The following SENP7 variants were observed in gnomAD, a reference collection of about 807,000 sequenced individuals.
The protein encoded by SENP7 is SUMO specific peptidase 7, also known as sentrin-specific protease 7.
A neutral mutation model predicts 141.2 loss-of-function variants in SENP7; 64 were observed. The observed-to-expected ratio is 0.45, with a 90% CI of 0.37 to 0.56. The LOEUF (loss-of-function observed/expected upper bound fraction) is 0.56. Ranked by LOEUF, SENP7 falls within the 20% of genes least tolerant of loss-of-function variation. SENP7 has a pLI of 0.00. For synonymous variants in SENP7, 382 were observed against 426.4 expected, an observed-to-expected ratio of 0.90 and a Z score of 1.28; for missense variants, 1,025 against 1,212.2, an observed-to-expected ratio of 0.85 and a Z score of 2.29.
intron 3 of SENP7, among the ~76,000 whole-genome samples, chr3:101,461,063 A>G (rs1405150657): frequency 6.6e-6 from 1 of 152,174 alleles, no homozygotes; most frequent in African/African-American, 2.4e-5. Flanking sequence ...TACACAAATG[A>G]CAAAAAGCAC....
At chr3:101,443,409 CTT>C (rs2107786772) in intron 4 of SENP7, among the ~76,000 whole-genome samples, 2 of 151,318 alleles carry the variant, frequency 1.3e-5, no homozygotes, top group African/African-American at 4.8e-5. Context: ...GTTCTTTTGG[CTT>C]AGGATTGATT....
chr3:101,481,419 T>C (rs2064474430), intron 3 of SENP7, among the ~76,000 whole-genome samples: 1 of 152,166 alleles, frequency 6.6e-6, no homozygotes, highest in South Asian at 2.1e-4. Context: ...TTCACTCATA[T>C]GTGGGTGCTG....
chr3:101,341,710 G>A lies in SENP7; in HGVS notation c.2176C>T (p.Leu726Phe), dbSNP rs1424488898. 1 of 1,612,042 alleles carries A rather than the reference G, an allele frequency of 6.2e-7. No homozygotes were observed. The highest frequency in any genetic ancestry group is 1.1e-5 in the South Asian group (1 of 90,816). The change falls in exon 15 of 24, where the codon CTT (leucine) becomes TTT (phenylalanine). Residue 726 changes from leucine to phenylalanine, a missense_variant. Coordinates refer to ENST00000394095, the MANE Select transcript of SENP7 (RefSeq NM_020654.5). ...LQKQSSGCYS[L>F]SITSNPDEEW... The stretch of plus-strand genomic sequence containing the variant: ...TCATCTGGATTAGATGTAATAGAAA[G>A]GGAGTAGCAACCGCTACTTTGCTTC...
intron 4 of SENP7, among the ~76,000 whole-genome samples, chr3:101,429,710 GA>G (rs1419466890): frequency 1.4e-4 from 21 of 152,094 alleles, no homozygotes; most frequent in African/African-American, 5.1e-4. Context: ...GCCCTGGCCA[GA>G]ACTTCCAATA....
intron 6 of SENP7, among the ~76,000 whole-genome samples, chr3:101,372,639 T>A (rs961291511): frequency 6.6e-6 from 1 of 152,048 alleles, no homozygotes; most frequent in Admixed American, 6.6e-5. Context: ...AATTTTGGAA[T>A]GATAGTCACA....
Position 101,437,418 on chromosome 3 carries a change from C to A in SENP7, c.285-19628G>T, listed in dbSNP as rs148918654. ...GGATAAATGCTTGAGGGGATGGATACCCCATTCTCCATGACGTGCTTATTT... is the reference window on the plus strand; with the variant it reads ...GGATAAATGCTTGAGGGGATGGATAACCCATTCTCCATGACGTGCTTATTT... On this transcript the variant is annotated intron_variant, in intron 4 of 23. Transcript: ENST00000394095. Among the ~76,000 whole-genome samples, 330 of 152,180 alleles carry A rather than the reference C, an allele frequency of 2.2e-3. 6 individuals are homozygous for A. The East Asian group carries it at 0.023, about 11-fold the overall frequency.
intron 11 of SENP7, among the ~76,000 whole-genome samples, chr3:101,360,980 G>T (rs1559716618): frequency 6.6e-6 from 1 of 152,122 alleles, no homozygotes; most frequent in East Asian, 1.9e-4. Context: ...GAGGCAGGTG[G>T]ATCACTTGAG....
intron 6 of SENP7, among the ~76,000 whole-genome samples, chr3:101,393,286 T>G (rs2060867287): frequency 6.6e-6 from 1 of 152,224 alleles, no homozygotes; most frequent in South Asian, 2.1e-4. Flanking sequence ...AGCAATGATT[T>G]TTTAGATTTC....
chr3:101,492,453 G>A (rs368811473), intron 3 of SENP7, among the ~76,000 whole-genome samples: 6 of 152,096 alleles, frequency 3.9e-5, no homozygotes, highest in African/African-American at 1.2e-4. Flanking sequence ...CTTAAAACAC[G>A]TTATCCTAAA....
At chr3:101,428,943 A>G (rs930728057) in intron 4 of SENP7, among the ~76,000 whole-genome samples, 9 of 152,222 alleles carry the variant, frequency 5.9e-5, no homozygotes, top group African/African-American at 2.2e-4. Flanking sequence ...TTTATTAAAT[A>G]GGGAATCCTT....
intron 6 of SENP7, among the ~76,000 whole-genome samples, chr3:101,386,486 C>T (rs1254478868): frequency 1.3e-5 from 2 of 152,198 alleles, no homozygotes; most frequent in African/African-American, 4.8e-5. Context: ...AACGCAGTAC[C>T]ATTTTGAGAG....
At chr3:101,426,195 G>A (rs950112612) in intron 4 of SENP7, among the ~76,000 whole-genome samples, 1 of 152,178 alleles carries the variant, frequency 6.6e-6, no homozygotes, top group Non-Finnish European at 1.5e-5. Context: ...AGCCTAGCTA[G>A]AGAGGCCTAG....
At chr3:101,345,597 A>C (rs899527337) in intron 13 of SENP7, among the ~76,000 whole-genome samples, 36 of 152,212 alleles carry the variant, frequency 2.4e-4, no homozygotes, top group African/African-American at 6.5e-4. Flanking sequence ...TTGTATCCTG[A>C]AACAGTGACA....
intron 3 of SENP7, among the ~76,000 whole-genome samples, chr3:101,465,117 T>A (rs1483413289): frequency 1.3e-5 from 2 of 151,732 alleles, no homozygotes; most frequent in African/African-American, 2.4e-5. Flanking sequence ...CACCTACTGC[T>A]ACCAAGACCC....
chr3:101,340,892 G>A (rs773200198), intron 15 of SENP7, among the ~76,000 whole-genome samples: 5 of 152,100 alleles, frequency 3.3e-5, no homozygotes, highest in South Asian at 2.1e-4. Flanking sequence ...TGTGAATTCC[G>A]GGCTATAATC....
At chr3:101,375,299 T>G (rs13324252) in intron 6 of SENP7, among the ~76,000 whole-genome samples, 59,951 of 151,380 alleles carry the variant, frequency 0.4, 12,298 homozygotes, top group Admixed American at 0.53. Context: ...TCCCAGCACT[T>G]TGGGAGGCTG....
chr3:101,354,207 A>G (rs2059680621), intron 11 of SENP7, among the ~76,000 whole-genome samples: 2 of 152,086 alleles, frequency 1.3e-5, no homozygotes, highest in African/African-American at 4.8e-5. Context: ...CTATAATTAA[A>G]CATTTAAGTT....
chr3:101,491,903 C>T (rs1480495676), intron 3 of SENP7, among the ~76,000 whole-genome samples: 2 of 152,086 alleles, frequency 1.3e-5, no homozygotes, highest in Non-Finnish European at 2.9e-5. Context: ...ACCAGCCTGA[C>T]CAACATGGAG....
At chr3:101,385,869 GACA>G (rs2060638945) in intron 6 of SENP7, among the ~76,000 whole-genome samples, 1 of 152,194 alleles carries the variant, frequency 6.6e-6, no homozygotes. Context: ...CAAATGAGCA[GACA>G]ACAAGACAAG....
Sources: gnomAD v4.1 joint callset for allele counts (sites outside exome capture counted in the v4.1 genomes callset) on GRCh38, gnomAD v4.1.1 for gene constraint, MANE v1.5 for transcripts, NCBI Gene and HGNC (gene_info 2026-07-23, HGNC 2026-07-21) for gene names.